Variants in PHYKPL observed in about 807,000 individuals in gnomAD.
The protein encoded by PHYKPL is 5-phosphonooxy-L-lysine phospho-lyase.
PHYKPL carries 42 observed loss-of-function variants against 51.3 expected under a neutral mutation model. The observed-to-expected ratio is 0.82, with a 90% CI of 0.64 to 1.06. The LOEUF (loss-of-function observed/expected upper bound fraction) is 1.06, where lower values mean the gene tolerates loss of function less well. Among genes scored for constraint, PHYKPL ranks in the 50% least tolerant of loss-of-function variants. The probability of loss-of-function intolerance (pLI) is 0.00; values close to 1 mark genes in which losing one functional copy is unlikely to be tolerated. For missense variants in PHYKPL, 655 were observed against 586.6 expected, an observed-to-expected ratio of 1.12 and a Z score of -1.20; for synonymous variants, 264 against 236.0, an observed-to-expected ratio of 1.12 and a Z score of -1.09.
At chr5:178,225,647 G>A (rs945015338) in intron 3 of PHYKPL, 6 of 558,896 alleles carry the variant, frequency 1.1e-5, no homozygotes, top group Non-Finnish European at 1.9e-5. Context: ...GGCCCTTCTG[G>A]AATTTACATT....
rs747539716 is a variant in PHYKPL at position 178,231,719 on chromosome 5, A to AC, written c.60-197dup. On this transcript the variant is annotated intron_variant, in intron 1 of 12. Transcript: ENST00000308158. ...TGCAAAGCAGGAAGCAGATGGGGTAACAAGTCGCTGAAACTTCGGATTGTT... is the reference window on the plus strand; with the variant it reads ...TGCAAAGCAGGAAGCAGATGGGGTAACCAAGTCGCTGAAACTTCGGATTGTT... 1.2e-5 allele frequency: 19 copies of AC among 1,539,850 alleles called. No homozygotes were observed. In the East Asian group the frequency reaches 4.5e-4, roughly 37 times the overall value.
At chr5:178,210,889 T>A in intron 12 of PHYKPL, 1 of 515,794 alleles carries the variant, frequency 1.9e-6, no homozygotes, top group Non-Finnish European at 3.5e-6. Flanking sequence ...TGGGAGGCTC[T>A]GCTTCCTGCT....
Position 178,231,403 on chromosome 5 carries a change from A to C in PHYKPL, c.178+2T>G, listed in dbSNP as rs552429776. 5 of 1,614,046 alleles carry C rather than the reference A, an allele frequency of 3.1e-6. No homozygotes were observed. Among genetic ancestry groups the C allele is most frequent in the Non-Finnish European group, 4.2e-6 (5 of 1,180,010 alleles). ...CCTGCCAGCCTGAGGTGTGATACTG[A>C]CCGTGCGCCACATTGCTGATGCAAT... is the stretch of plus-strand genomic sequence containing the variant. On this transcript the variant is annotated splice_donor_variant, in intron 2 of 12. Coordinates refer to ENST00000308158, the MANE Select transcript of PHYKPL (RefSeq NM_153373.4). LOFTEE classifies it high-confidence loss of function.
In PHYKPL at chr5:178,224,463, C is replaced by A. The variant is rs1232003647; in HGVS notation, c.603G>T (p.Gln201His). 1.3e-6 allele frequency: 2 copies of A among 1,592,406 alleles called. No homozygotes were observed. The highest frequency in any genetic ancestry group is 1.3e-5 in the African/African-American group (1 of 74,768). The change falls in exon 6 of 13, where the codon CAG (glutamine) becomes CAT (histidine). Residue 201 changes from glutamine to histidine, a missense_variant. Gln to His is a conservative substitution (Grantham distance 24, BLOSUM62 0). Transcript: ENST00000308158. The part of the protein sequence containing the change: ...NEVKRVVSSA[Q>H]EKGRKIAAFF... ...ACACGGTTACCTTCCTGCCCTTCTC[C>A]TGTGCACTGCTGACCACACGTTTCA...
intron 3 of PHYKPL, among the ~76,000 whole-genome samples, chr5:178,227,342 T>G (rs925807544): frequency 6.6e-6 from 1 of 152,226 alleles, no homozygotes; most frequent in African/African-American, 2.4e-5. Context: ...GTCTTGGACT[T>G]CCAGCCTCCA....
At chr5:178,209,840 T>G (rs1757639137) in intron 12 of PHYKPL, among the ~76,000 whole-genome samples, 1 of 152,106 alleles carries the variant, frequency 6.6e-6, no homozygotes, top group Non-Finnish European at 1.5e-5. Context: ...CTGAACTGCA[T>G]CTTTTTAAAG....
At position 178,222,418 on chromosome 5, in the gene PHYKPL, G is replaced by A. The variant is rs368984594; in HGVS notation, c.864C>T (p.Cys288=). 1.1e-5 allele frequency: 17 copies of A among 1,614,108 alleles called. No homozygotes were observed. The highest frequency in any genetic ancestry group is 6.7e-5 in the Admixed American group (4 of 60,008). ...TCGCCACAGGCTGGGTTGCGGCCAC[G>A]CAGGCAACAGGGTGGCCGTTGCCAA... ...KSIGNGHPVA[C]VAATQPVARA... is the part of the protein sequence containing the mutation. The change falls in exon 8 of 13, where the codon TGC becomes TGT. Residue 288 remains cysteine, a synonymous_variant. Coordinates refer to ENST00000308158, the MANE Select transcript of PHYKPL (RefSeq NM_153373.4).
intron 3 of PHYKPL, among the ~76,000 whole-genome samples, chr5:178,229,336 G>A (rs1390533329): frequency 6.6e-6 from 1 of 151,986 alleles, no homozygotes; most frequent in Non-Finnish European, 1.5e-5. Context: ...TCAAACTCCC[G>A]ACCTCAGGTG....
intron 3 of PHYKPL, among the ~76,000 whole-genome samples, chr5:178,229,221 C>G (rs1314576699): frequency 6.6e-6 from 1 of 151,800 alleles, no homozygotes; most frequent in African/African-American, 2.4e-5. Context: ...TTCTCCTGCC[C>G]CAGCCTCCTG....
chr5:178,224,535 G>T lies in PHYKPL; in HGVS notation c.531C>A (p.Pro177=). Residue 177 remains proline, a synonymous_variant, in exon 6 of 13, where the codon CCC becomes CCA. Coordinates refer to ENST00000308158, the MANE Select transcript of PHYKPL (RefSeq NM_153373.4). ...CTGGGTTGGGGTGGTCCTCCCGGTA[G>T]GGGCCCCGGTAGGTGTCTGGGAGAG... ...VAPLPDTYRG[P]YREDHPNPAM... 1 of 1,614,084 alleles carries T rather than the reference G, an allele frequency of 6.2e-7. No individual in the cohort carries two copies. Among genetic ancestry groups the T allele is most frequent in the Non-Finnish European group, 8.5e-7 (1 of 1,179,936 alleles).
In PHYKPL at chr5:178,211,946, C is replaced by G. The variant is rs1193438368; in HGVS notation, c.1328G>C (p.Cys443Ser). 6.2e-7 allele frequency: 1 copy of G among 1,614,124 alleles called. No individual in the cohort carries two copies. The highest frequency in any genetic ancestry group is 1.3e-5 in the African/African-American group (1 of 74,946). ...TTAGGGCTGGAGCCTCAGCGTTTCA[C>G]AACTTCTCACCTTCTCTTCCATGTC... is the stretch of plus-strand genomic sequence containing the variant. ...LTDMEEKVRS[C>S]ETLRLQP Residue 443 changes from cysteine to serine, a missense_variant, in exon 12 of 13, where the codon TGT becomes TCT. Coordinates refer to ENST00000308158, the MANE Select transcript of PHYKPL (RefSeq NM_153373.4).
intron 8 of PHYKPL, among the ~76,000 whole-genome samples, chr5:178,221,874 C>T (rs1210511713): frequency 2.0e-5 from 3 of 152,254 alleles, no homozygotes; most frequent in Non-Finnish European, 4.4e-5. Context: ...ATCCTCTCAC[C>T]TACCCTGCAA....
intron 12 of PHYKPL, chr5:178,210,864 T>C (rs1581193285): frequency 1.8e-6 from 1 of 552,602 alleles, no homozygotes; most frequent in East Asian, 3.1e-5. Flanking sequence ...TATTACCAGG[T>C]CCCCCAGAAG....
intron 8 of PHYKPL, among the ~76,000 whole-genome samples, chr5:178,217,983 C>T (rs185428387): frequency 0.035 from 5,220 of 147,728 alleles, 266 homozygotes; most frequent in African/African-American, 0.11. Flanking sequence ...TTTGGGAGGC[C>T]GAGACGGGCG....
intron 12 of PHYKPL, chr5:178,209,538 G>A (rs925361890): frequency 1.9e-6 from 2 of 1,055,304 alleles, no homozygotes; most frequent in Admixed American, 1.9e-5. Flanking sequence ...GTGCTGTGCA[G>A]CAGGGGTGGG....
chr5:178,223,175 C>T (rs1457028029), intron 6 of PHYKPL: 24 of 504,586 alleles, frequency 4.8e-5, no homozygotes, highest in Non-Finnish European at 8.4e-5. Context: ...ACTACATGCA[C>T]TGATTTTTCC....
rs1759436891 is a variant in PHYKPL at position 178,214,905 on chromosome 5, C to T, written c.1083-20G>A. 4 of 1,611,922 alleles carry T rather than the reference C, an allele frequency of 2.5e-6. No individual in the cohort carries two copies. Among genetic ancestry groups the T allele is most frequent in the Middle Eastern group, 2.0e-4 (1 of 5,088 alleles). ...ACACCCCTGCAAGGGAAGGTGACGA[C>T]ATCTCAGGAGGCCAGGCCTGAGGGG... On this transcript the variant is annotated intron_variant, in intron 9 of 12. Coordinates refer to ENST00000308158, the MANE Select transcript of PHYKPL (RefSeq NM_153373.4).
At chr5:178,213,463 T>A (rs1255647533) in intron 10 of PHYKPL, among the ~76,000 whole-genome samples, 2 of 152,116 alleles carry the variant, frequency 1.3e-5, no homozygotes, top group Non-Finnish European at 2.9e-5. Flanking sequence ...TGTTTCCTTA[T>A]ATAGAGAATG....
At position 178,228,705 on chromosome 5, in the gene PHYKPL, T is replaced by G; in HGVS notation, c.338+1235A>C. On this transcript the variant is annotated intron_variant, in intron 3 of 12. Transcript: ENST00000308158. ...ATAATTCAACGCCACCACCTACGAT[T>G]TGTTGGAATGTTCTCTCCCAGATAC... 4 of 681,948 alleles carry G rather than the reference T, an allele frequency of 5.9e-6. No individual in the cohort carries two copies. The South Asian group carries it at 6.2e-5, about 11-fold the overall frequency. 42.2% of individuals were successfully genotyped at this position (681,948 alleles called of 1,614,324 possible).
Sources: gnomAD v4.1 joint callset for allele counts (sites outside exome capture counted in the v4.1 genomes callset) on GRCh38, gnomAD v4.1.1 for gene constraint, MANE v1.5 for transcripts, NCBI Gene and HGNC (gene_info 2026-07-23, HGNC 2026-07-21) for gene names.